MYRIP: variants seen among roughly 807,000 people sequenced by gnomAD.
MYRIP encodes the protein rab effector MyRIP.
In MYRIP, 49 loss-of-function variants were observed where a neutral mutation model predicts 98.0. The observed-to-expected ratio is 0.50, with a 90% confidence interval of 0.40 to 0.63. MYRIP has a LOEUF of 0.63. Ranked by LOEUF, MYRIP falls within the 30% of genes least tolerant of loss-of-function variation. The pLI is 0.00. For missense variants in MYRIP, 1,004 were observed against 1,058.2 expected (o/e 0.95, Z 0.71); for synonymous variants, 404 against 409.5 (o/e 0.99, Z 0.16).
At chr3:39,989,472 C>T (rs2125769789) in intron 2 of MYRIP, among the ~76,000 whole-genome samples, 1 of 152,272 alleles carries the variant, frequency 6.6e-6, no homozygotes. Context: ...GTCTGACAAC[C>T]CCTGTTGGAA....
intron 2 of MYRIP, among the ~76,000 whole-genome samples, chr3:39,916,470 AC>A (rs1223084772): frequency 2.0e-5 from 3 of 151,662 alleles, no homozygotes; most frequent in Non-Finnish European, 4.4e-5. Context: ...TAAAATAGAT[AC>A]CCCCCAAACA....
At chr3:39,869,673 G>T (rs1443081030) in intron 1 of MYRIP, among the ~76,000 whole-genome samples, 3 of 152,132 alleles carry the variant, frequency 2.0e-5, no homozygotes, top group Non-Finnish European at 4.4e-5. Flanking sequence ...TTTACCATCT[G>T]TAACATGGGA....
At chr3:39,862,121 C>T (rs1287370496) in intron 1 of MYRIP, among the ~76,000 whole-genome samples, 1 of 152,064 alleles carries the variant, frequency 6.6e-6, no homozygotes, top group Non-Finnish European at 1.5e-5. Flanking sequence ...AAAGGGAACC[C>T]CATCAGGCTA....
chr3:40,003,518 C>T (rs1404051219), intron 2 of MYRIP, among the ~76,000 whole-genome samples: 1 of 152,096 alleles, frequency 6.6e-6, no homozygotes, highest in Non-Finnish European at 1.5e-5. Context: ...TATTAGAAAT[C>T]CAATAGGCTG....
In MYRIP at chr3:40,002,872, C is replaced by A. The variant is rs1001897103; in HGVS notation, c.111-41178C>A. Reference sequence around the variant, plus strand: ...AATCTTTATACAAATATATAAGTGTCTATATATCTCTCTAAAGCTTTAGAT... The same window carrying A: ...AATCTTTATACAAATATATAAGTGTATATATATCTCTCTAAAGCTTTAGAT... On this transcript the variant is annotated intron_variant, in intron 2 of 16. Transcript: ENST00000302541. Among the ~76,000 whole-genome samples, 119 of 151,876 alleles carry A rather than the reference C, an allele frequency of 7.8e-4. 3 individuals carry two copies. Among genetic ancestry groups the A allele is most frequent in the Non-Finnish European group, 2.2e-4 (15 of 67,958 alleles).
chr3:39,894,428 G>A (rs536665652), intron 1 of MYRIP, among the ~76,000 whole-genome samples: 7 of 152,092 alleles, frequency 4.6e-5, no homozygotes, highest in Non-Finnish European at 7.4e-5. Context: ...TACCTATACC[G>A]TTATATGTTA....
chr3:40,043,522 G>A (rs1225357611), intron 2 of MYRIP, among the ~76,000 whole-genome samples: 1 of 152,012 alleles, frequency 6.6e-6, no homozygotes, highest in African/African-American at 2.4e-5. Flanking sequence ...TGAATCACCA[G>A]TGCCTCGATC....
Position 40,247,227 on chromosome 3 carries a change from T to C in MYRIP, c.2262+2620T>C, listed in dbSNP as rs559800867. On this transcript the variant is annotated intron_variant, in intron 13 of 16. Coordinates refer to ENST00000302541, the MANE Select transcript of MYRIP (RefSeq NM_015460.4). ...AGCCATGTTTTATGGCAGAAAACTCTAGAGTTCCAAATGTCCATTTTCCAT... is the reference window on the plus strand; with the variant it reads ...AGCCATGTTTTATGGCAGAAAACTCCAGAGTTCCAAATGTCCATTTTCCAT... Among the ~76,000 whole-genome samples, 3 of 152,346 alleles carry C rather than the reference T, an allele frequency of 2.0e-5. No homozygotes were observed. In the East Asian group the frequency reaches 5.8e-4, roughly 29 times the overall value.
At chr3:39,957,941 A>G (rs1945210407) in intron 2 of MYRIP, among the ~76,000 whole-genome samples, 1 of 152,222 alleles carries the variant, frequency 6.6e-6, no homozygotes, top group African/African-American at 2.4e-5. Context: ...TACTTCAAAG[A>G]GAATAAAATA....
At chr3:40,032,913 A>G (rs1446365544) in intron 2 of MYRIP, among the ~76,000 whole-genome samples, 1 of 152,190 alleles carries the variant, frequency 6.6e-6, no homozygotes, top group Non-Finnish European at 1.5e-5. Context: ...GGCTGGTTCA[A>G]TATATGCAAA....
intron 12 of MYRIP, among the ~76,000 whole-genome samples, chr3:40,243,400 T>A (rs200451155): frequency 3.9e-4 from 53 of 135,122 alleles, no homozygotes; most frequent in African/African-American, 1.1e-3. Flanking sequence ...TCACTAAGTG[T>A]AAAAAAAAAA....
intron 11 of MYRIP, among the ~76,000 whole-genome samples, chr3:40,228,419 T>C (rs959393217): frequency 1.3e-5 from 2 of 152,246 alleles, no homozygotes; most frequent in Non-Finnish European, 2.9e-5. Context: ...AATATTTTCA[T>C]GGGCCCCTAA....
chr3:40,218,598 C>CATAT (rs1553629135), intron 11 of MYRIP, among the ~76,000 whole-genome samples: 1 of 14,220 alleles, frequency 7.0e-5, no homozygotes, highest in Non-Finnish European at 2.9e-4. Flanking sequence ...CACACACACA[C>CATAT]ATATATATAT....
chr3:39,927,191 C>T (rs1325652877), intron 2 of MYRIP, among the ~76,000 whole-genome samples: 4 of 151,912 alleles, frequency 2.6e-5, no homozygotes, highest in Non-Finnish European at 4.4e-5. Context: ...CTGAAACTTT[C>T]CTGAACTTAT....
chr3:39,852,287 C>T (rs73826799), intron 1 of MYRIP, among the ~76,000 whole-genome samples: 7,220 of 152,236 alleles, frequency 0.047, 259 homozygotes, highest in East Asian at 0.14. Context: ...CTAGTAACAA[C>T]TTGATGGGCT....
At chr3:40,017,479 C>T (rs35831317) in intron 2 of MYRIP, among the ~76,000 whole-genome samples, 52,908 of 151,920 alleles carry the variant, frequency 0.35, 9,395 homozygotes, top group Middle Eastern at 0.4. Flanking sequence ...GTTCTCAAAC[C>T]CAACCCAGCT....
chr3:40,125,090 C>A (rs1047082694), intron 3 of MYRIP, among the ~76,000 whole-genome samples: 2 of 152,180 alleles, frequency 1.3e-5, no homozygotes, highest in African/African-American at 4.8e-5. Context: ...GGATTAGAAC[C>A]AGGCCTGACA....
rs543264090 is a variant in MYRIP, at chr3:40,124,220, C to T, written c.333-26828C>T. 1.3e-3 allele frequency among the ~76,000 whole-genome samples: 192 copies of T among 152,294 alleles called. 3 individuals are homozygous for T. The South Asian group carries it at 0.036, about 28-fold the overall frequency. ...TATCTGCCCCATCCCAATGGAAAGACGCTTCCATCAAAGCTGTACTTCAAA... is the reference window on the plus strand; with the variant it reads ...TATCTGCCCCATCCCAATGGAAAGATGCTTCCATCAAAGCTGTACTTCAAA... On this transcript the variant is annotated intron_variant, in intron 3 of 16. Coordinates refer to ENST00000302541, the MANE Select transcript of MYRIP (RefSeq NM_015460.4).
intron 3 of MYRIP, among the ~76,000 whole-genome samples, chr3:40,076,740 C>A (rs1948351037): frequency 1.3e-5 from 2 of 152,114 alleles, no homozygotes; most frequent in African/African-American, 4.8e-5. Context: ...GGCTAAAATT[C>A]TGTTTCTAGA....
Sources: allele counts gnomAD v4.1 joint callset (sites outside exome capture counted in the v4.1 genomes callset), GRCh38; gene constraint gnomAD v4.1.1; transcripts MANE v1.5; gene names NCBI Gene and HGNC (gene_info 2026-07-23, HGNC 2026-07-21).